The following LRP1B variants were observed in gnomAD, a reference collection of about 807,000 sequenced individuals.
The protein encoded by LRP1B is low-density lipoprotein receptor-related protein 1B.
A neutral mutation model predicts 556.6 loss-of-function variants in LRP1B; 217 were observed. The ratio of observed to expected loss-of-function variants is 0.39; its 90% CI spans 0.35 to 0.44. LRP1B has a LOEUF of 0.44. LRP1B is among the 20% of genes least tolerant of loss of function. The pLI is 1.00. For missense variants in LRP1B, 5,053 were observed against 5,620.8 expected (o/e 0.90, Z 3.23); for synonymous variants, 2,047 against 1,865.8 (o/e 1.10, Z -2.50).
intron 1 of LRP1B, among the ~76,000 whole-genome samples, chr2:141,997,699 A>C (rs1001330133): frequency 1.3e-5 from 2 of 148,540 alleles, no homozygotes; most frequent in Non-Finnish European, 3.0e-5. Flanking sequence ...CTCTCTTAGG[A>C]TCTTGTTAAG....
intron 2 of LRP1B, among the ~76,000 whole-genome samples, chr2:141,669,194 T>C (rs983721602): frequency 4.6e-5 from 7 of 152,058 alleles, no homozygotes; most frequent in Admixed American, 6.5e-5. Context: ...ATGGGGTCAC[T>C]AGGTTGTGCC....
At chr2:140,462,030 C>A (rs551317172) in intron 60 of LRP1B, among the ~76,000 whole-genome samples, 33 of 152,202 alleles carry the variant, frequency 2.2e-4, no homozygotes, top group African/African-American at 7.2e-4. Context: ...AATACCTAAA[C>A]AATCAGTGAT....
chr2:140,777,031 G>A (rs1559112737), intron 32 of LRP1B, among the ~76,000 whole-genome samples: 1 of 152,120 alleles, frequency 6.6e-6, no homozygotes, highest in Non-Finnish European at 1.5e-5. Context: ...TGAAAAACTT[G>A]TGTTCTTTCC....
At chr2:140,893,852 T>G (rs1693870996) in intron 23 of LRP1B, among the ~76,000 whole-genome samples, 1 of 152,188 alleles carries the variant, frequency 6.6e-6, no homozygotes, top group Non-Finnish European at 1.5e-5. Context: ...ACATTCTTAG[T>G]CATGCATATA....
intron 7 of LRP1B, among the ~76,000 whole-genome samples, chr2:141,121,213 A>G (rs906777320): frequency 4.6e-5 from 7 of 152,200 alleles, no homozygotes; most frequent in African/African-American, 1.7e-4. Context: ...GCAATAATCC[A>G]TGTGAGTGTT....
chr2:140,523,313 C>A (rs1188667546), intron 49 of LRP1B, among the ~76,000 whole-genome samples: 1 of 151,794 alleles, frequency 6.6e-6, no homozygotes, highest in Non-Finnish European at 1.5e-5. Flanking sequence ...TCTCAATAGA[C>A]ACAGAAAAAG....
intron 23 of LRP1B, among the ~76,000 whole-genome samples, chr2:140,894,471 G>A (rs762101034): frequency 2.6e-5 from 4 of 151,974 alleles, no homozygotes; most frequent in Non-Finnish European, 5.9e-5. Context: ...GACATGGAGA[G>A]AGAAGGCAGC....
intron 3 of LRP1B, among the ~76,000 whole-genome samples, chr2:141,337,224 T>C (rs1369066459): frequency 6.6e-6 from 1 of 152,214 alleles, no homozygotes; most frequent in Non-Finnish European, 1.5e-5. Flanking sequence ...TATTTTTTCT[T>C]ACCTTAGCAA....
At chr2:141,781,499 G>A (rs1695254121) in intron 2 of LRP1B, among the ~76,000 whole-genome samples, 1 of 152,104 alleles carries the variant, frequency 6.6e-6, no homozygotes, top group African/African-American at 2.4e-5. Context: ...AAATAAAGGA[G>A]CACTCTAGCT....
intron 3 of LRP1B, among the ~76,000 whole-genome samples, chr2:141,368,909 A>G (rs1689136548): frequency 6.6e-6 from 1 of 152,206 alleles, no homozygotes; most frequent in Non-Finnish European, 1.5e-5. Context: ...TTACAAAATT[A>G]CATATTTCAG....
At chr2:141,015,951 G>T in intron 12 of LRP1B, 36 bp from the exon 13 acceptor site, 1 of 1,499,490 alleles carries the variant, frequency 6.7e-7, no homozygotes, top group Non-Finnish European at 9.3e-7. Flanking sequence ...ATGCATACAT[G>T]TTATTACAAC....
chr2:141,006,649 A>G (rs995901001), intron 14 of LRP1B, among the ~76,000 whole-genome samples: 1 of 151,986 alleles, frequency 6.6e-6, no homozygotes, highest in Admixed American at 6.6e-5. Context: ...TTTTAGCTAG[A>G]AAAATATTTT....
At chr2:140,645,701 G>A (rs1684458834) in intron 41 of LRP1B, among the ~76,000 whole-genome samples, 1 of 151,532 alleles carries the variant, frequency 6.6e-6, no homozygotes, top group Non-Finnish European at 1.5e-5. Context: ...ACGACGCCCG[G>A]CTAATTTTTT....
intron 3 of LRP1B, among the ~76,000 whole-genome samples, chr2:141,433,112 T>G (rs1266892147): frequency 3.3e-5 from 5 of 152,242 alleles, no homozygotes; most frequent in Admixed American, 3.3e-4. Flanking sequence ...CAAAGTATTT[T>G]CTAACTTTAC....
chr2:141,519,040 A>AACCGTG (rs58431064), intron 2 of LRP1B, among the ~76,000 whole-genome samples: 55,773 of 151,954 alleles, frequency 0.37, 10,416 homozygotes, highest in East Asian at 0.49. Flanking sequence ...AACTTGAGAA[A>AACCGTG]ATCGCTTTAA....
intron 43 of LRP1B, among the ~76,000 whole-genome samples, chr2:140,559,743 CA>C (rs1299297736): frequency 7.0e-6 from 1 of 143,326 alleles, no homozygotes; most frequent in East Asian, 2.1e-4. Context: ...CATGATTCCA[CA>C]CTGACATAAA....
intron 3 of LRP1B, among the ~76,000 whole-genome samples, chr2:141,438,624 G>A (rs982034450): frequency 1.3e-5 from 2 of 152,082 alleles, no homozygotes; most frequent in African/African-American, 4.8e-5. Flanking sequence ...TACTGAATAA[G>A]GATTTAGAGT....
chr2:141,201,440 G>C (rs973343937), intron 6 of LRP1B, among the ~76,000 whole-genome samples: 2 of 152,020 alleles, frequency 1.3e-5, no homozygotes, highest in African/African-American at 4.8e-5. Flanking sequence ...TATGGCTCTT[G>C]TTCCTATCCT....
rs16845491 is a variant in LRP1B at position 141,142,456 on chromosome 2, T to G, written c.1013+45965A>C. Among the ~76,000 whole-genome samples, 591 of 152,326 alleles carry G rather than the reference T, an allele frequency of 3.9e-3. 6 individuals carry two copies. The highest frequency in any genetic ancestry group is 0.013 in the African/African-American group (556 of 41,582). ...GCATAAATAACTCATTAATTGATAT[T>G]ACCACCTTTAACAAGGACTCTTTAC... On this transcript the variant is annotated intron_variant, in intron 7 of 90. Coordinates refer to ENST00000389484, the MANE Select transcript of LRP1B (RefSeq NM_018557.3).
Sources: gnomAD v4.1 joint callset for allele counts (sites outside exome capture counted in the v4.1 genomes callset) on GRCh38, gnomAD v4.1.1 for gene constraint, MANE v1.5 for transcripts, NCBI Gene and HGNC (gene_info 2026-07-23, HGNC 2026-07-21) for gene names.